The following CAMK1D variants were observed in gnomAD, a reference collection of about 807,000 sequenced individuals.
The protein encoded by CAMK1D is calcium/calmodulin dependent protein kinase ID, also known as calcium/calmodulin-dependent protein kinase type 1D.
A neutral mutation model predicts 47.7 loss-of-function variants in CAMK1D; 9 were observed. That is an observed-to-expected ratio of 0.19 (90% CI 0.11 to 0.33). CAMK1D has a LOEUF of 0.33. Ranked by LOEUF, CAMK1D falls within the 10% of genes least tolerant of loss-of-function variation. The pLI, the probability that CAMK1D is intolerant of heterozygous loss-of-function variation, is 1.00. For synonymous variants in CAMK1D, 184 were observed against 184.9 expected (o/e 0.99, Z 0.04); for missense variants, 291 against 488.7 (o/e 0.60, Z 3.81).
chr10:12,402,860 A>G (rs1366349897), intron 1 of CAMK1D, among the ~76,000 whole-genome samples: 1 of 152,022 alleles, frequency 6.6e-6, no homozygotes, highest in African/African-American at 2.4e-5. Flanking sequence ...GGATATACAC[A>G]GGACCAGGTT....
At chr10:12,482,416 GAAGT>G (rs374223348) in intron 1 of CAMK1D, among the ~76,000 whole-genome samples, 69 of 152,338 alleles carry the variant, frequency 4.5e-4, no homozygotes, top group East Asian at 3.5e-3. Context: ...CCAAAATGGA[GAAGT>G]AACTTTCTTC....
intron 2 of CAMK1D, among the ~76,000 whole-genome samples, chr10:12,648,450 G>A (rs1349751646): frequency 2.6e-5 from 4 of 152,026 alleles, no homozygotes; most frequent in South Asian, 2.1e-4. Flanking sequence ...AGTGTCTTTC[G>A]CTTGCTATTT....
chr10:12,376,801 T>TG (rs1838196340), intron 1 of CAMK1D, among the ~76,000 whole-genome samples: 1 of 151,496 alleles, frequency 6.6e-6, no homozygotes, highest in South Asian at 2.1e-4. Context: ...TCGCCCAGGC[T>TG]GGAGTACAGT....
chr10:12,659,378 A>G (rs1000564547), intron 2 of CAMK1D, among the ~76,000 whole-genome samples: 3 of 152,210 alleles, frequency 2.0e-5, no homozygotes, highest in African/African-American at 7.2e-5. Context: ...TGGGGAGAAC[A>G]ATTAAGTGAT....
intron 8 of CAMK1D, among the ~76,000 whole-genome samples, chr10:12,823,316 A>C (rs752606095): frequency 6.6e-6 from 1 of 152,124 alleles, no homozygotes. Flanking sequence ...AAGATTCATG[A>C]AACTCTTTCT....
intron 1 of CAMK1D, among the ~76,000 whole-genome samples, chr10:12,350,790 T>G (rs1837331947): frequency 6.6e-6 from 1 of 152,170 alleles, no homozygotes; most frequent in Non-Finnish European, 1.5e-5. Context: ...GCCGAATGAG[T>G]CTGAAGTTCA....
chr10:12,802,273 G>T (rs948843483), intron 6 of CAMK1D, among the ~76,000 whole-genome samples: 1 of 152,164 alleles, frequency 6.6e-6, no homozygotes, highest in Non-Finnish European at 1.5e-5. Context: ...GCAAGGTCTC[G>T]CCAGAGGGAA....
chr10:12,460,363 C>A (rs545871381), intron 1 of CAMK1D, among the ~76,000 whole-genome samples: 1 of 151,866 alleles, frequency 6.6e-6, no homozygotes, highest in Admixed American at 6.6e-5. Context: ...TGGGCTCAAG[C>A]GATCCTCCTG....
chr10:12,515,173 T>C (rs1187455031), intron 1 of CAMK1D, among the ~76,000 whole-genome samples: 1 of 152,102 alleles, frequency 6.6e-6, no homozygotes, highest in Non-Finnish European at 1.5e-5. Flanking sequence ...AGCCTTTCTT[T>C]TTAAAAAAAG....
chr10:12,652,520 G>A lies in CAMK1D; in HGVS notation c.225-14216G>A, dbSNP rs754066395. Among the ~76,000 whole-genome samples, 32 of 151,876 alleles carry A rather than the reference G, an allele frequency of 2.1e-4. 1 individual carries two copies. Among genetic ancestry groups the A allele is most frequent in the African/African-American group, 2.4e-4 (10 of 41,430 alleles). ...GGGGAATGGTGTGACCCCACGAGGC[G>A]GAGCTTGCAGTGAGCAGAGAGTGCA... On this transcript the variant is annotated intron_variant, in intron 2 of 10. Transcript: ENST00000619168.
At chr10:12,384,507 G>C (rs1298355862) in intron 1 of CAMK1D, among the ~76,000 whole-genome samples, 1 of 152,190 alleles carries the variant, frequency 6.6e-6, no homozygotes. Context: ...GACTAGAATT[G>C]AGAGTCCAGA....
intron 3 of CAMK1D, among the ~76,000 whole-genome samples, chr10:12,719,739 A>G (rs1834298387): frequency 6.6e-6 from 1 of 152,196 alleles, no homozygotes; most frequent in African/African-American, 2.4e-5. Flanking sequence ...TCCTTCAGGG[A>G]GCACTTTTTA....
At position 12,828,661 on chromosome 10, in the gene CAMK1D, C is replaced by G. The variant is rs1357561172; in HGVS notation, c.1040-108C>G. On this transcript the variant is annotated intron_variant, in intron 10 of 10. Transcript: ENST00000619168. Reference sequence around the variant, plus strand: ...ATCTCAAGAAAAAAAAAAAATTGGGCCCCCCCGCCCCCCACCATAAACCCA... The same window carrying G: ...ATCTCAAGAAAAAAAAAAAATTGGGGCCCCCCGCCCCCCACCATAAACCCA... 7.9e-6 allele frequency: 5 copies of G among 629,408 alleles called. 1 individual carries two copies. Among genetic ancestry groups the G allele is most frequent in the Non-Finnish European group, 1.2e-5 (5 of 407,152 alleles). 39.0% of individuals were successfully genotyped at this position (629,408 alleles called of 1,614,324 possible). A position where few individuals can be genotyped will look rare whatever the true frequency, so the allele number is the denominator to read the frequency against.
chr10:12,366,316 G>A (rs1284360592), intron 1 of CAMK1D, among the ~76,000 whole-genome samples: 2 of 152,098 alleles, frequency 1.3e-5, no homozygotes, highest in South Asian at 2.1e-4. Flanking sequence ...TGCCATCCTT[G>A]TAGAGAATTT....
At chr10:12,389,204 C>T (rs1258544390) in intron 1 of CAMK1D, among the ~76,000 whole-genome samples, 1 of 151,966 alleles carries the variant, frequency 6.6e-6, no homozygotes, top group African/African-American at 2.4e-5. Flanking sequence ...TGTGTGTGGT[C>T]AGTTACTGCT....
intron 1 of CAMK1D, among the ~76,000 whole-genome samples, chr10:12,549,759 C>G (rs1836517532): frequency 6.6e-6 from 1 of 152,206 alleles, no homozygotes; most frequent in Admixed American, 6.5e-5. Context: ...TAGCCCATCC[C>G]CACCTAACCA....
intron 2 of CAMK1D, among the ~76,000 whole-genome samples, chr10:12,652,149 G>C (rs1270130633): frequency 6.6e-6 from 1 of 152,124 alleles, no homozygotes; most frequent in African/African-American, 2.4e-5. Context: ...TTACTAGTTG[G>C]AGTGGGGAAG....
At chr10:12,379,568 C>T (rs1205713961) in intron 1 of CAMK1D, among the ~76,000 whole-genome samples, 1 of 152,024 alleles carries the variant, frequency 6.6e-6, no homozygotes, top group African/African-American at 2.4e-5. Flanking sequence ...GCCTGGCCAA[C>T]ATGGTGAAAC....
chr10:12,470,866 G>A (rs1179571565), intron 1 of CAMK1D, among the ~76,000 whole-genome samples: 1 of 152,100 alleles, frequency 6.6e-6, no homozygotes, highest in East Asian at 1.9e-4. Context: ...TGTGCTTATG[G>A]CCCAGTGTAC....
Sources: allele counts gnomAD v4.1 joint callset (sites outside exome capture counted in the v4.1 genomes callset), GRCh38; gene constraint gnomAD v4.1.1; transcripts MANE v1.5; gene names NCBI Gene and HGNC (gene_info 2026-07-23, HGNC 2026-07-21).